GPHN: variants seen among roughly 807,000 people sequenced by gnomAD.
GPHN encodes the protein gephyrin.
Under a neutral mutation model 95.5 loss-of-function variants are expected in GPHN, and 17 were observed. The observed-to-expected ratio is 0.18, with a 90% CI of 0.12 to 0.27. The LOEUF is 0.27. GPHN is among the 10% of genes least tolerant of loss of function. GPHN has a pLI of 1.00. For missense variants in GPHN, 660 were observed against 978.1 expected (o/e 0.67, Z 4.34); for synonymous variants, 320 against 322.5 (o/e 0.99, Z 0.08).
At chr14:67,341,775 G>A in the GPHN span, among the ~76,000 whole-genome samples, 1,341 of 152,302 alleles carry the variant, frequency 8.8e-3, 19 homozygotes, top group African/African-American at 0.03. Context: ...TAGAGAAATC[G>A]GATGGTTGCT....
intron 4 of GPHN, among the ~76,000 whole-genome samples, chr14:66,878,380 C>G (rs2063767558): frequency 6.6e-6 from 1 of 152,068 alleles, no homozygotes; most frequent in African/African-American, 2.4e-5. Flanking sequence ...TCTAATTAAA[C>G]TAAAGAGCTT....
chr14:67,363,226 C>T, the GPHN span, among the ~76,000 whole-genome samples: 1 of 151,808 alleles, frequency 6.6e-6, no homozygotes, highest in Non-Finnish European at 1.5e-5. Context: ...TCGAAAAGCC[C>T]TGTTTAAAAA....
the GPHN span, chr14:67,653,351 T>G: frequency 1.7e-6 from 2 of 1,190,416 alleles, no homozygotes; most frequent in Non-Finnish European, 2.5e-6. Flanking sequence ...AGGTGCTTTA[T>G]GAGGACCTTT....
the GPHN span, chr14:67,347,458 T>C: frequency 6.2e-7 from 1 of 1,602,508 alleles, no homozygotes; most frequent in Admixed American, 1.7e-5. Flanking sequence ...TAACACCTGT[T>C]AAACACAGAA....
chr14:66,546,711 A>G (rs1171905104), intron 1 of GPHN, among the ~76,000 whole-genome samples: 5 of 146,972 alleles, frequency 3.4e-5, no homozygotes, highest in Non-Finnish European at 6.0e-5. Flanking sequence ...CAGTGAGCCG[A>G]GATGGCAGCA....
the GPHN span, among the ~76,000 whole-genome samples, chr14:67,545,158 G>A: frequency 6.6e-6 from 1 of 152,122 alleles, no homozygotes; most frequent in Non-Finnish European, 1.5e-5. Flanking sequence ...TTGAAGATGG[G>A]TCATCTGATA....
intron 11 of GPHN, among the ~76,000 whole-genome samples, chr14:67,060,218 A>G (rs1007421129): frequency 1.3e-5 from 2 of 150,896 alleles, no homozygotes; most frequent in African/African-American, 4.8e-5. Context: ...AAAAAAAAAA[A>G]GAGTTGGAAA....
intron 4 of GPHN, among the ~76,000 whole-genome samples, chr14:66,879,298 G>A (rs1305916891): frequency 2.0e-5 from 3 of 149,784 alleles, no homozygotes; most frequent in Non-Finnish European, 4.4e-5. Context: ...CCATGTGTAC[G>A]CCTATGTAAC....
At chr14:66,675,778 AT>A (rs1203718711) in intron 1 of GPHN, among the ~76,000 whole-genome samples, 3 of 151,940 alleles carry the variant, frequency 2.0e-5, no homozygotes, top group African/African-American at 4.8e-5. Flanking sequence ...TTTTGAGTTG[AT>A]TTTTGTGGTG....
intron 4 of GPHN, among the ~76,000 whole-genome samples, chr14:66,860,136 A>C (rs1478123968): frequency 6.6e-6 from 1 of 152,168 alleles, no homozygotes; most frequent in African/African-American, 2.4e-5. Flanking sequence ...AGATAACACT[A>C]AGCAGATTTA....
the GPHN span, among the ~76,000 whole-genome samples, chr14:67,564,851 G>A: frequency 1.3e-5 from 2 of 152,114 alleles, no homozygotes; most frequent in African/African-American, 2.4e-5. Flanking sequence ...ACCATGCCCA[G>A]CTATTTTTTA....
At chr14:67,541,741 T>C in the GPHN span, 1,588 of 827,604 alleles carry the variant, frequency 1.9e-3, 20 homozygotes, top group African/African-American at 0.025. Flanking sequence ...AGCCCTGTTT[T>C]CTCTGTCCTT....
At chr14:67,700,705 A>C in the GPHN span, among the ~76,000 whole-genome samples, 2 of 107,372 alleles carry the variant, frequency 1.9e-5, no homozygotes, top group African/African-American at 4.2e-5. Context: ...ACACAGCAAG[A>C]CTCCATCTCA....
At chr14:67,108,029 A>C (rs1486647757) in intron 13 of GPHN, among the ~76,000 whole-genome samples, 2 of 152,204 alleles carry the variant, frequency 1.3e-5, no homozygotes, top group Non-Finnish European at 2.9e-5. Context: ...TGTCTGGAAA[A>C]AGGATGATTA....
the GPHN span, among the ~76,000 whole-genome samples, chr14:67,285,860 C>T: frequency 2.6e-5 from 4 of 152,030 alleles, no homozygotes; most frequent in South Asian, 2.1e-4. Context: ...ACAGAGTTTA[C>T]GAGGGTGGAT....
At chr14:67,262,121 C>A in the GPHN span, among the ~76,000 whole-genome samples, 1 of 152,104 alleles carries the variant, frequency 6.6e-6, no homozygotes, top group Non-Finnish European at 1.5e-5. Context: ...AAACAGATAT[C>A]TGACCTGTCT....
chr14:66,667,036 AG>A (rs1396932690), intron 1 of GPHN, among the ~76,000 whole-genome samples: 1 of 152,202 alleles, frequency 6.6e-6, no homozygotes, highest in Non-Finnish European at 1.5e-5. Context: ...TCCCCTTTTC[AG>A]TTGCCACAAA....
chr14:67,180,357 C>A (rs2083262806), intron 22 of GPHN, among the ~76,000 whole-genome samples: 1 of 152,270 alleles, frequency 6.6e-6, no homozygotes, highest in South Asian at 2.1e-4. Context: ...GGACCCTAGG[C>A]AAGTTACCTA....
chr14:66,799,115 T>C (rs965661705), intron 3 of GPHN, among the ~76,000 whole-genome samples: 1 of 151,712 alleles, frequency 6.6e-6, no homozygotes, highest in Non-Finnish European at 1.5e-5. Context: ...TATATATTTG[T>C]ATAGTTTCCA....
Sources: gnomAD v4.1 joint callset for allele counts (sites outside exome capture counted in the v4.1 genomes callset) on GRCh38, gnomAD v4.1.1 for gene constraint, MANE v1.5 for transcripts, NCBI Gene and HGNC (gene_info 2026-07-23, HGNC 2026-07-21) for gene names.